Variants in NRXN1 observed in about 807,000 individuals in gnomAD.
NRXN1 encodes the protein neurexin 1.
NRXN1 carries 39 observed loss-of-function variants against 150.9 expected under a neutral mutation model. The ratio of observed to expected loss-of-function variants is 0.26; its 90% confidence interval spans 0.20 to 0.34. The LOEUF (loss-of-function observed/expected upper bound fraction) is 0.34, where lower values mean the gene tolerates loss of function less well. Among genes scored for constraint, NRXN1 ranks in the 10% least tolerant of loss-of-function variants. NRXN1 has a pLI of 1.00. For synonymous variants in NRXN1, 924 were observed against 757.0 expected (o/e 1.22, Z -3.62); for missense variants, 1,815 against 1,949.9 (o/e 0.93, Z 1.30).
intron 18 of NRXN1, among the ~76,000 whole-genome samples, chr2:50,141,495 G>A (rs1039287289): frequency 6.6e-6 from 1 of 151,948 alleles, no homozygotes; most frequent in Admixed American, 6.6e-5. Flanking sequence ...GTATACCAAA[G>A]GAAAAAATCA....
chr2:50,763,549 T>G (rs554201449), intron 5 of NRXN1, among the ~76,000 whole-genome samples: 2 of 151,958 alleles, frequency 1.3e-5, no homozygotes, highest in African/African-American at 4.8e-5. Context: ...TAATAAATAC[T>G]TGACACATTG....
At chr2:50,672,685 T>G (rs1689029352) in intron 5 of NRXN1, among the ~76,000 whole-genome samples, 1 of 152,052 alleles carries the variant, frequency 6.6e-6, no homozygotes, top group Non-Finnish European at 1.5e-5. Flanking sequence ...AAAATGATGT[T>G]CAGTTGAATT....
chr2:50,676,294 G>A (rs376904439), intron 5 of NRXN1, among the ~76,000 whole-genome samples: 2 of 152,014 alleles, frequency 1.3e-5, no homozygotes, highest in Non-Finnish European at 2.9e-5. Context: ...ATAGAACCAC[G>A]AGCAAAATAA....
chr2:50,999,678 C>A (rs1366085824), intron 2 of NRXN1, among the ~76,000 whole-genome samples: 3 of 152,080 alleles, frequency 2.0e-5, no homozygotes, highest in South Asian at 2.1e-4. Flanking sequence ...TAGGGAATGA[C>A]CTCTCCAGCC....
At chr2:50,632,274 T>G (rs1170102038) in intron 5 of NRXN1, 1 of 152,002 alleles carries the variant, frequency 6.6e-6, no homozygotes, top group Admixed American at 6.6e-5. Flanking sequence ...AATCTATAAT[T>G]TAATTTATGC....
At chr2:50,056,158 A>G (rs1693573100) in intron 19 of NRXN1, among the ~76,000 whole-genome samples, 1 of 152,138 alleles carries the variant, frequency 6.6e-6, no homozygotes, top group South Asian at 2.1e-4. Flanking sequence ...GGTGAAAGAA[A>G]TGTTGAATGG....
rs202234864 is a variant in NRXN1 at position 49,921,826 on chromosome 2, T to C, written c.*118A>G. 21 of 997,462 alleles carry C rather than the reference T, an allele frequency of 2.1e-5. 1 individual carries two copies. In the South Asian group the frequency reaches 2.9e-4, roughly 14 times the overall value. The allele number at this position is 997,462 out of a possible 1,614,324, so 61.8% of individuals were successfully genotyped here. On this transcript the variant is annotated 3_prime_UTR_variant, in exon 23 of 23. Transcript: ENST00000401669. Reference sequence around the variant, plus strand: ...TTTTTAAAAAGTCTTTCCTTCCTGATTGCATTCCCTGTCTTCTTTTGTATG... The same window carrying C: ...TTTTTAAAAAGTCTTTCCTTCCTGACTGCATTCCCTGTCTTCTTTTGTATG...
intron 8 of NRXN1, among the ~76,000 whole-genome samples, chr2:50,594,753 G>C (rs1415921056): frequency 3.9e-5 from 6 of 152,108 alleles, no homozygotes; most frequent in African/African-American, 7.2e-5. Flanking sequence ...CCTATAAAGA[G>C]AGGACAATCC....
At chr2:50,060,463 G>T (rs191107632) in intron 19 of NRXN1, among the ~76,000 whole-genome samples, 5 of 152,278 alleles carry the variant, frequency 3.3e-5, no homozygotes, top group Admixed American at 6.5e-5. Flanking sequence ...ACTTTGGACT[G>T]TGGACTTTTG....
At position 50,347,115 on chromosome 2, in the gene NRXN1, C is replaced by A; in HGVS notation, c.3365-110145G>T. 53 of 1,387,604 alleles carry A rather than the reference C, an allele frequency of 3.8e-5. No homozygotes were observed. Among genetic ancestry groups the A allele is most frequent in the Non-Finnish European group, 5.0e-5 (53 of 1,053,688 alleles). 86.0% of individuals were successfully genotyped at this position (1,387,604 alleles called of 1,614,324 possible). A position where few individuals can be genotyped will look rare whatever the true frequency, so the allele number is the denominator to read the frequency against. ...CTCCTTCGGACAGTCTTCTCGGGGT[C>A]CTGGAGTCCGCCGTGCCTAGCACCC... On this transcript the variant is annotated intron_variant, in intron 17 of 22. Transcript: ENST00000401669. The surrounding 1 kb of genome is among the most constrained non-coding windows in gnomAD (Gnocchi z 4.9).
intron 21 of NRXN1, among the ~76,000 whole-genome samples, chr2:50,033,554 G>A (rs748849771): frequency 2.6e-5 from 4 of 151,974 alleles, no homozygotes; most frequent in African/African-American, 7.2e-5. Context: ...TACCATTCTC[G>A]ACATAGGAAC....
chr2:50,523,169 T>C (rs1661458786), intron 12 of NRXN1, among the ~76,000 whole-genome samples: 1 of 152,108 alleles, frequency 6.6e-6, no homozygotes, highest in African/African-American at 2.4e-5. Context: ...CTGAAAATAA[T>C]AATTTATAAA....
intron 2 of NRXN1, among the ~76,000 whole-genome samples, chr2:50,996,889 G>A (rs1020904588): frequency 1.8e-4 from 28 of 152,046 alleles, no homozygotes; most frequent in African/African-American, 6.8e-4. Flanking sequence ...ACTCGTGAGG[G>A]GGGAGTAATC....
intron 18 of NRXN1, among the ~76,000 whole-genome samples, chr2:50,221,188 C>G (rs1446064939): frequency 6.6e-6 from 1 of 150,960 alleles, no homozygotes; most frequent in East Asian, 1.9e-4. Context: ...TGGAAATAAA[C>G]AACAAAGAAC....
In NRXN1 at chr2:50,189,220, C is replaced by T. The variant is rs552667344; in HGVS notation, c.3546+47569G>A. ...AATTACTTCATGTCCTTTCCAGGGA[C>T]ATGGATGGAGCTGGAAACCATCATT... On this transcript the variant is annotated intron_variant, in intron 18 of 22. Transcript: ENST00000401669. Among the ~76,000 whole-genome samples, 21 of 152,212 alleles carry T rather than the reference C, an allele frequency of 1.4e-4. No homozygotes were observed. The Middle Eastern group carries it at 0.01, about 74-fold the overall frequency.
intron 5 of NRXN1, among the ~76,000 whole-genome samples, chr2:50,888,230 G>A (rs1015704476): frequency 7.9e-5 from 12 of 151,516 alleles, no homozygotes; most frequent in Admixed American, 4.0e-4. Context: ...AAAACACAAC[G>A]CAAAAACCTT....
chr2:50,286,110 T>C (rs1408977121), intron 17 of NRXN1, among the ~76,000 whole-genome samples: 1 of 152,188 alleles, frequency 6.6e-6, no homozygotes, highest in Non-Finnish European at 1.5e-5. Flanking sequence ...ATTTACATGT[T>C]ACCTCACATA....
At chr2:50,948,476 A>C (rs1429263941) in intron 2 of NRXN1, among the ~76,000 whole-genome samples, 1 of 152,078 alleles carries the variant, frequency 6.6e-6, no homozygotes, top group African/African-American at 2.4e-5. Flanking sequence ...GAATGCTTTT[A>C]AAAATATCAG....
intron 5 of NRXN1, among the ~76,000 whole-genome samples, chr2:50,888,026 G>T (rs905124875): frequency 1.3e-5 from 2 of 150,582 alleles, no homozygotes; most frequent in African/African-American, 4.9e-5. Context: ...CATTTACATG[G>T]TCTGTTTTCT....
Sources: gnomAD v4.1 joint callset for allele counts (sites outside exome capture counted in the v4.1 genomes callset) on GRCh38, gnomAD v4.1.1 for gene constraint, Gnocchi (gnomAD v3.1) non-coding constraint, MANE v1.5 for transcripts, NCBI Gene and HGNC (gene_info 2026-07-23, HGNC 2026-07-21) for gene names.